The following SLC24A4 variants were observed in gnomAD, a reference collection of about 807,000 sequenced individuals.
SLC24A4 encodes solute carrier family 24 member 4, also known as sodium/potassium/calcium exchanger 4.
SLC24A4 carries 53 observed loss-of-function variants against 79.0 expected under a neutral mutation model. That is an observed-to-expected ratio of 0.67 (90% CI 0.54 to 0.84). SLC24A4 has a LOEUF of 0.84. SLC24A4 is among the 40% of genes least tolerant of loss of function. The pLI is 0.00. For missense variants in SLC24A4, 731 were observed against 822.0 expected (o/e 0.89, Z 1.35); for synonymous variants, 323 against 323.8 (o/e 1.00, Z 0.03).
At chr14:92,359,886 G>A (rs1887401209) in intron 2 of SLC24A4, among the ~76,000 whole-genome samples, 1 of 152,200 alleles carries the variant, frequency 6.6e-6, no homozygotes, top group South Asian at 2.1e-4. Flanking sequence ...TTATGTAAAT[G>A]GAGTTATAGT....
intron 12 of SLC24A4, among the ~76,000 whole-genome samples, chr14:92,475,831 A>C (rs1201764043): frequency 1.3e-5 from 2 of 152,184 alleles, no homozygotes; most frequent in African/African-American, 4.8e-5. Flanking sequence ...CAGGAACTCT[A>C]TTTTCTACTT....
At chr14:92,460,814 C>A (rs1349293128) in intron 12 of SLC24A4, among the ~76,000 whole-genome samples, 2 of 152,230 alleles carry the variant, frequency 1.3e-5, no homozygotes, top group Non-Finnish European at 2.9e-5. Flanking sequence ...TCCCTCCTCG[C>A]TGACCCCAGA....
chr14:92,355,087 AAACAAC>A (rs1157887703), intron 2 of SLC24A4, among the ~76,000 whole-genome samples: 2 of 152,082 alleles, frequency 1.3e-5, no homozygotes, highest in East Asian at 1.9e-4. Context: ...AAAACAAAAC[AAACAAC>A]AACAACAACA....
chr14:92,393,911 T>G (rs934233459), intron 2 of SLC24A4, among the ~76,000 whole-genome samples: 3 of 152,142 alleles, frequency 2.0e-5, no homozygotes, highest in African/African-American at 7.2e-5. Context: ...CTTGGGAGGC[T>G]GAGGCAGGAG....
chr14:92,390,143 A>T (rs1182699009), intron 2 of SLC24A4, among the ~76,000 whole-genome samples: 1 of 151,928 alleles, frequency 6.6e-6, no homozygotes, highest in East Asian at 1.9e-4. Context: ...TCATCCCTGC[A>T]GTCCCCAGGC....
chr14:92,377,404 A>C (rs1888577207), intron 2 of SLC24A4, among the ~76,000 whole-genome samples: 1 of 152,256 alleles, frequency 6.6e-6, no homozygotes, highest in South Asian at 2.1e-4. Flanking sequence ...GAAATATACT[A>C]TGCCAAAGAC....
chr14:92,377,578 G>A (rs1888590154), intron 2 of SLC24A4, among the ~76,000 whole-genome samples: 1 of 152,208 alleles, frequency 6.6e-6, no homozygotes, highest in Non-Finnish European at 1.5e-5. Context: ...TGGCTGCAAT[G>A]CCAGGGAGGG....
chr14:92,493,543 A>G lies in SLC24A4; in HGVS notation c.1784A>G (p.Tyr595Cys), dbSNP rs1196190484. Residue 595 changes from tyrosine (Y) to cysteine (C), a missense_variant, in exon 17 of 17, where the codon TAC (tyrosine) becomes TGC (cysteine). Coordinates refer to ENST00000532405, the MANE Select transcript of SLC24A4 (RefSeq NM_153646.4). ...RKLGVYVLVLYAIFLCFSIMI... is the reference protein window; with the variant it reads ...RKLGVYVLVLCAIFLCFSIMI... ...CTGGGTGTCTACGTGCTGGTTCTCT[A>G]CGCCATCTTCTTGTGCTTCTCCATA... 1.2e-6 allele frequency: 2 copies of G among 1,614,046 alleles called. No individual in the cohort carries two copies. Among genetic ancestry groups the G allele is most frequent in the Non-Finnish European group, 1.7e-6 (2 of 1,180,044 alleles).
chr14:92,419,095 T>G (rs1049988791), intron 2 of SLC24A4, among the ~76,000 whole-genome samples: 1 of 152,186 alleles, frequency 6.6e-6, no homozygotes, highest in African/African-American at 2.4e-5. Context: ...GTCCATTGAT[T>G]GTAGATGTTA....
At chr14:92,364,243 T>C (rs1887697367) in intron 2 of SLC24A4, among the ~76,000 whole-genome samples, 2 of 152,190 alleles carry the variant, frequency 1.3e-5, no homozygotes, top group South Asian at 4.1e-4. Flanking sequence ...ACCCAGCCAG[T>C]AGCTGGCATG....
At position 92,420,819 on chromosome 14, in the gene SLC24A4, C is replaced by CG. The variant is rs33925727; in HGVS notation, c.242-13085dup. Among the ~76,000 whole-genome samples the CG allele has an allele frequency of 4.2e-4, 63 of 151,674 alleles. No individual in the cohort carries two copies. In the Middle Eastern group the frequency reaches 0.01, roughly 25 times the overall value. The stretch of plus-strand genomic sequence containing the variant: ...CACGGTGGGCATGGGCATTTTTTCA[C>CG]GGGGGGGGCCTGTCCCTGAGTAAAT... On this transcript the variant is annotated intron_variant, in intron 2 of 16. Coordinates refer to ENST00000532405, the MANE Select transcript of SLC24A4 (RefSeq NM_153646.4).
At chr14:92,458,113 G>A (rs1358634354) in intron 12 of SLC24A4, among the ~76,000 whole-genome samples, 1 of 152,184 alleles carries the variant, frequency 6.6e-6, no homozygotes, top group Non-Finnish European at 1.5e-5. Flanking sequence ...AAAATGCCAG[G>A]CCTGGTTCTG....
intron 12 of SLC24A4, among the ~76,000 whole-genome samples, chr14:92,468,315 C>T (rs536232374): frequency 9.2e-5 from 14 of 152,240 alleles, no homozygotes; most frequent in Admixed American, 5.2e-4. Flanking sequence ...GAAGACTTAA[C>T]GTTTTAAAAA....
At chr14:92,409,439 G>A (rs753417693) in intron 2 of SLC24A4, among the ~76,000 whole-genome samples, 4 of 152,248 alleles carry the variant, frequency 2.6e-5, no homozygotes, top group Non-Finnish European at 5.9e-5. Flanking sequence ...TCCATTTGGA[G>A]CTGTGCAGCT....
chr14:92,449,216 G>C lies in SLC24A4; in HGVS notation c.880G>C (p.Val294Leu), dbSNP rs1892990152. The change falls in exon 10 of 17, where the codon GTG becomes CTG. Residue 294 changes from valine (V) to leucine (L), a missense_variant and splice_region_variant. Physicochemically the swap from Val to Leu is conservative, Grantham distance 32 (BLOSUM62 1). Coordinates refer to ENST00000532405, the MANE Select transcript of SLC24A4 (RefSeq NM_153646.4). ...CCCTTCCGTGCCATTGCTGGGGCAA[G>C]GTAAGGCTGAGCAGACAGGAGTGGG... Reference protein sequence around the residue: ...DDPSVPLLGQVKEKPQYGKNP... With the variant: ...DDPSVPLLGQLKEKPQYGKNP... 1 of 1,611,796 alleles carries C rather than the reference G, an allele frequency of 6.2e-7. No homozygotes were observed. Among genetic ancestry groups the C allele is most frequent in the Admixed American group, 1.7e-5 (1 of 59,912 alleles).
chr14:92,416,493 C>G (rs1353716277), intron 2 of SLC24A4, among the ~76,000 whole-genome samples: 1 of 152,148 alleles, frequency 6.6e-6, no homozygotes, highest in Non-Finnish European at 1.5e-5. Context: ...GACTTTTAAT[C>G]CAGTGCACAT....
intron 2 of SLC24A4, among the ~76,000 whole-genome samples, chr14:92,405,601 A>G (rs1314706708): frequency 6.6e-6 from 1 of 152,174 alleles, no homozygotes; most frequent in Non-Finnish European, 1.5e-5. Context: ...GGGAGGCCTA[A>G]GGAAACTTAC....
chr14:92,324,183 C>G (rs906839910), intron 1 of SLC24A4, among the ~76,000 whole-genome samples: 6 of 152,046 alleles, frequency 3.9e-5, no homozygotes, highest in African/African-American at 7.3e-5. Context: ...CCTGGGGGGG[C>G]TCAGGACGCG....
At chr14:92,448,998 G>A in intron 9 of SLC24A4, 76 bp from the exon 10 acceptor site, 1 of 1,562,566 alleles carries the variant, frequency 6.4e-7, no homozygotes, top group East Asian at 2.2e-5. Flanking sequence ...TGCAGGGATG[G>A]GGTGTGATCC....
Sources: allele counts gnomAD v4.1 joint callset (sites outside exome capture counted in the v4.1 genomes callset), GRCh38; gene constraint gnomAD v4.1.1; transcripts MANE v1.5; gene names NCBI Gene and HGNC (gene_info 2026-07-23, HGNC 2026-07-21).